Variants in GRAMD1C observed in about 807,000 individuals in gnomAD.
GRAMD1C encodes the protein GRAM domain containing 1C.
A neutral mutation model predicts 97.8 loss-of-function variants in GRAMD1C; 89 were observed. The ratio of observed to expected loss-of-function variants is 0.91; its 90% confidence interval spans 0.77 to 1.09. The LOEUF (loss-of-function observed/expected upper bound fraction) is 1.09, where lower values mean the gene tolerates loss of function less well. Ranked by LOEUF, GRAMD1C falls within the 50% of genes least tolerant of loss-of-function variation. The pLI, the probability that GRAMD1C is intolerant of heterozygous loss-of-function variation, is 0.00. For missense variants in GRAMD1C, 740 were observed against 766.4 expected, an observed-to-expected ratio of 0.97 and a Z score of 0.41; for synonymous variants, 256 against 267.0, an observed-to-expected ratio of 0.96 and a Z score of 0.40.
intron 6 of GRAMD1C, chr3:113,885,342 CT>C: frequency 6.3e-7 from 1 of 1,592,922 alleles, no homozygotes; most frequent in Non-Finnish European, 8.6e-7. Context: ...CGTTCGTGGC[CT>C]TCGCTGCCAA....
intron 11 of GRAMD1C, among the ~76,000 whole-genome samples, chr3:113,932,481 C>T (rs1188787331): frequency 6.6e-6 from 1 of 152,098 alleles, no homozygotes; most frequent in African/African-American, 2.4e-5. Flanking sequence ...TACTACCCTT[C>T]TTGACTTTTT....
At position 113,933,500 on chromosome 3, in the gene GRAMD1C, T is replaced by C. The variant is rs1937514368; in HGVS notation, c.1210-11T>C. 4 of 1,601,062 alleles carry C rather than the reference T, an allele frequency of 2.5e-6. No individual in the cohort carries two copies. The East Asian group carries it at 6.7e-5, about 27-fold the overall frequency. Reference sequence around the variant, plus strand: ...ATATACATACAAACATTTTTTATCTTACTTTGGCAGACACTGTATAAAGAA... The same window carrying C: ...ATATACATACAAACATTTTTTATCTCACTTTGGCAGACACTGTATAAAGAA... On this transcript the variant is annotated splice_polypyrimidine_tract_variant and intron_variant, in intron 11 of 17. Coordinates refer to ENST00000358160, the MANE Select transcript of GRAMD1C (RefSeq NM_017577.5).
chr3:113,930,864 C>A, intron 11 of GRAMD1C, 32 bp downstream of exon 11: 1 of 1,111,868 alleles, frequency 9.0e-7, no homozygotes, highest in South Asian at 1.3e-5. Context: ...CCAGAAGAGT[C>A]ATGTGTGGGG....
intron 6 of GRAMD1C, among the ~76,000 whole-genome samples, chr3:113,894,145 G>C (rs1329853186): frequency 1.3e-5 from 2 of 152,022 alleles, no homozygotes; most frequent in African/African-American, 4.8e-5. Context: ...AGTAACAAGG[G>C]TTAAAATTTA....
At position 113,844,544 on chromosome 3, in the gene GRAMD1C, G is replaced by T; in HGVS notation, c.69G>T (p.Gln23His). 1 of 1,605,628 alleles carries T rather than the reference G, an allele frequency of 6.2e-7. No homozygotes were observed. Among genetic ancestry groups the T allele is most frequent in the Non-Finnish European group, 8.5e-7 (1 of 1,173,914 alleles). The change falls in exon 2 of 18, where the codon CAG (glutamine) becomes CAT (histidine). Residue 23 changes from glutamine (Q) to histidine (H), a missense_variant. Gln to His is a conservative substitution (Grantham distance 24). Transcript: ENST00000358160. ...EGDSSLATDL[Q>H]EDVEENPSPT... The stretch of plus-strand genomic sequence containing the variant: ...ATTCAAGCCTTGCCACCGACTTACA[G>T]GAAGATGTAGAGGAAAATCCTAGTC...
chr3:113,828,985 C>T (rs989125176), intron 1 of GRAMD1C, among the ~76,000 whole-genome samples: 5 of 152,202 alleles, frequency 3.3e-5, no homozygotes, highest in African/African-American at 1.2e-4. Flanking sequence ...TTAATCCTCA[C>T]ACTTTCATTG....
intron 3 of GRAMD1C, among the ~76,000 whole-genome samples, chr3:113,870,783 T>G (rs571550056): frequency 6.6e-6 from 1 of 151,954 alleles, no homozygotes; most frequent in African/African-American, 2.4e-5. Flanking sequence ...AAAACTCAAT[T>G]GCAATTCAGG....
At chr3:113,920,422 T>C (rs1156416953) in intron 10 of GRAMD1C, among the ~76,000 whole-genome samples, 1 of 152,252 alleles carries the variant, frequency 6.6e-6, no homozygotes, top group Non-Finnish European at 1.5e-5. Flanking sequence ...ACTGGAACTT[T>C]CTTAAACTGC....
intron 6 of GRAMD1C, chr3:113,885,884 A>T (rs559399710): frequency 6.8e-6 from 11 of 1,612,726 alleles, no homozygotes; most frequent in African/African-American, 4.0e-5. Flanking sequence ...GGAGCCATCC[A>T]GACAATGCCA....
chr3:113,884,023 A>G (rs374504641), intron 6 of GRAMD1C, among the ~76,000 whole-genome samples: 1 of 152,170 alleles, frequency 6.6e-6, no homozygotes, highest in East Asian at 1.9e-4. Flanking sequence ...GGAAAATTCA[A>G]TACCCAACTT....
intron 9 of GRAMD1C, among the ~76,000 whole-genome samples, chr3:113,914,451 G>C (rs1226498531): frequency 5.9e-5 from 9 of 152,152 alleles, no homozygotes. Flanking sequence ...CTGATCCATA[G>C]ACTATTGCCC....
chr3:113,849,290 TA>T (rs1933749602), intron 2 of GRAMD1C, among the ~76,000 whole-genome samples: 3 of 149,904 alleles, frequency 2.0e-5, no homozygotes, highest in South Asian at 2.1e-4. Context: ...TTTATTTATT[TA>T]TTTATTTATT....
At chr3:113,861,209 T>A (rs1256664344) in intron 2 of GRAMD1C, among the ~76,000 whole-genome samples, 2 of 152,184 alleles carry the variant, frequency 1.3e-5, no homozygotes, top group African/African-American at 2.4e-5. Context: ...ATCATAGACT[T>A]ACATGTAAGA....
chr3:113,885,945 C>T (rs1285948635), intron 6 of GRAMD1C: 3 of 1,612,168 alleles, frequency 1.9e-6, no homozygotes, highest in Admixed American at 3.3e-5. Flanking sequence ...CCTTCTCAAC[C>T]TGCTCCCGAT....
chr3:113,941,803 G>A (rs1262054456), intron 17 of GRAMD1C, among the ~76,000 whole-genome samples: 1 of 152,038 alleles, frequency 6.6e-6, no homozygotes, highest in Non-Finnish European at 1.5e-5. Flanking sequence ...ATTTTTAGTA[G>A]AGACAGGGTT....
At chr3:113,907,661 T>C (rs2712359) in intron 8 of GRAMD1C, among the ~76,000 whole-genome samples, 30,927 of 152,132 alleles carry the variant, frequency 0.2, 3,153 homozygotes, top group African/African-American at 0.23. Flanking sequence ...GAAAATATGT[T>C]TTTTAAGCTA....
chr3:113,911,696 T>TTCTC (rs1936588364), intron 9 of GRAMD1C, among the ~76,000 whole-genome samples: 1 of 78,776 alleles, frequency 1.3e-5, no homozygotes, highest in Non-Finnish European at 2.7e-5. Flanking sequence ...TCTCTGTTTC[T>TTCTC]TTCCTTCCTT....
chr3:113,944,750 G>T (rs1367933411), intron 17 of GRAMD1C, among the ~76,000 whole-genome samples: 1 of 152,216 alleles, frequency 6.6e-6, no homozygotes. Flanking sequence ...TGTATATCCA[G>T]TGCTTAGAAC....
At chr3:113,914,868 T>C (rs1427363430) in intron 9 of GRAMD1C, among the ~76,000 whole-genome samples, 1 of 152,208 alleles carries the variant, frequency 6.6e-6, no homozygotes, top group Admixed American at 6.5e-5. Context: ...ATGATGATAA[T>C]ACCACTTATC....
Sources: gnomAD v4.1 joint callset for allele counts (sites outside exome capture counted in the v4.1 genomes callset) on GRCh38, gnomAD v4.1.1 for gene constraint, MANE v1.5 for transcripts, NCBI Gene and HGNC (gene_info 2026-07-23, HGNC 2026-07-21) for gene names.